The following RTF2 variants were observed in gnomAD, a reference collection of about 807,000 sequenced individuals.
RTF2 encodes UPF0549 protein C20orf43.
Under a neutral mutation model 38.0 loss-of-function variants are expected in RTF2, and 18 were observed. That is an observed-to-expected ratio of 0.47 (90% CI 0.33 to 0.70). The LOEUF is 0.70. Ranked by LOEUF, RTF2 falls within the 30% of genes least tolerant of loss-of-function variation. The probability of loss-of-function intolerance (pLI) is 0.02; values close to 1 mark genes in which losing one functional copy is unlikely to be tolerated. For synonymous variants in RTF2, 126 were observed against 137.1 expected (o/e 0.92, Z 0.57); for missense variants, 311 against 379.6 (o/e 0.82, Z 1.50).
chr20:56,495,236 T>C, intron 5 of RTF2: 1 of 1,551,678 alleles, frequency 6.4e-7, no homozygotes, highest in Non-Finnish European at 8.7e-7. Flanking sequence ...CTTCCTCACT[T>C]TTCCGCTTAA....
intron 6 of RTF2, among the ~76,000 whole-genome samples, chr20:56,515,526 C>T (rs1244547464): frequency 2.0e-5 from 3 of 151,482 alleles, no homozygotes; most frequent in African/African-American, 4.9e-5. Flanking sequence ...GAGCCAAGAT[C>T]GTACCACTGC....
Position 56,484,065 on chromosome 20 carries a change from A to T in RTF2, c.399-46A>T, listed in dbSNP as rs200148487. On this transcript the variant is annotated intron_variant, in intron 4 of 8. Transcript: ENST00000357348. ...GTATCAACCGAATAAATGTGAATTG[A>T]TCATGTGATTAATACAGTCCTTCCC... 2.5e-5 allele frequency: 37 copies of T among 1,505,364 alleles called. No homozygotes were observed. In the East Asian group the frequency reaches 8.1e-4, roughly 33 times the overall value. 93.3% of individuals were successfully genotyped at this position (1,505,364 alleles called of 1,614,324 possible). A position where few individuals can be genotyped will look rare whatever the true frequency, so the allele number is the denominator to read the frequency against.
At chr20:56,477,943 T>C (rs1235226329) in intron 4 of RTF2, among the ~76,000 whole-genome samples, 1 of 152,258 alleles carries the variant, frequency 6.6e-6, no homozygotes, top group Non-Finnish European at 1.5e-5. Flanking sequence ...GGGAATCTTA[T>C]GGTTGAGATG....
At chr20:56,491,507 T>G in intron 5 of RTF2, 1 of 1,158,390 alleles carries the variant, frequency 8.6e-7, no homozygotes, top group Non-Finnish European at 1.3e-6. Context: ...AATGTTCTCT[T>G]GTTTCAAGTC....
chr20:56,513,330 CAGG>C lies in RTF2; in HGVS notation c.498_500del (p.Glu166del), dbSNP rs753733687. ...CCCTCTCCAGTGTGGGGCTGCCTTCCAGGAGGATGATGTCATCATGCTCAATGG... is the reference window on the plus strand; with the variant it reads ...CCCTCTCCAGTGTGGGGCTGCCTTCCAGGATGATGTCATCATGCTCAATGG... On this transcript the variant is annotated inframe_deletion, in exon 6 of 9. Transcript: ENST00000357348. 6.2e-7 allele frequency: 1 copy of C among 1,602,404 alleles called. No homozygotes were observed. Among genetic ancestry groups the C allele is most frequent in the Non-Finnish European group, 8.5e-7 (1 of 1,175,032 alleles).
chr20:56,511,587 A>C (rs928761171), intron 5 of RTF2, among the ~76,000 whole-genome samples: 4 of 152,118 alleles, frequency 2.6e-5, no homozygotes, highest in Non-Finnish European at 5.9e-5. Context: ...ACCCTAGTCC[A>C]GGGCTTCTCA....
Position 56,482,266 on chromosome 20 carries a change from C to G in RTF2, c.399-1845C>G, listed in dbSNP as rs539833255. ...CTCAGGTCTCTGATATAAAATGGTA[C>G]AGTATTTGCATATAACCTACACACA... On this transcript the variant is annotated intron_variant, in intron 4 of 8. Transcript: ENST00000357348. 9.8e-5 allele frequency among the ~76,000 whole-genome samples: 15 copies of G among 152,306 alleles called. No individual in the cohort carries two copies. In the East Asian group the frequency reaches 2.7e-3, roughly 27 times the overall value.
At chr20:56,493,543 C>T (rs1039721881) in intron 5 of RTF2, among the ~76,000 whole-genome samples, 3 of 151,680 alleles carry the variant, frequency 2.0e-5, no homozygotes, top group Non-Finnish European at 2.9e-5. Context: ...GTATTCCCAG[C>T]TACTTGGGAG....
chr20:56,489,850 C>T (rs1266340651), intron 5 of RTF2, among the ~76,000 whole-genome samples: 1 of 152,192 alleles, frequency 6.6e-6, no homozygotes, highest in Non-Finnish European at 1.5e-5. Flanking sequence ...GGGACATAAT[C>T]GTGGCTAATC....
Position 56,518,200 on chromosome 20 carries a change from A to G in RTF2, c.856A>G (p.Ser286Gly), listed in dbSNP as rs1954926879. The G allele has an allele frequency of 6.2e-7, 1 of 1,614,170 alleles. No individual in the cohort carries two copies. The highest frequency in any genetic ancestry group is 8.5e-7 in the Non-Finnish European group (1 of 1,180,034). ...EAYKSLFTTH[S>G]SAKRSKEESA... is the part of the protein sequence containing the mutation. ...CTACAAGTCCCTCTTTACCACTCAC[A>G]GCTCCGCCAAGCGCTCCAAGGAGGA... The change falls in exon 9 of 9, where the codon AGC becomes GGC. Residue 286 changes from serine (S) to glycine (G), a missense_variant. Physicochemically the swap from Ser to Gly is moderately conservative, Grantham distance 56. Transcript: ENST00000357348.
intron 5 of RTF2, among the ~76,000 whole-genome samples, chr20:56,489,375 A>T (rs1982970794): frequency 1.3e-5 from 2 of 151,892 alleles, no homozygotes; most frequent in Non-Finnish European, 2.9e-5. Context: ...TACTGAAATG[A>T]TTTGTTCAGG....
intron 5 of RTF2, among the ~76,000 whole-genome samples, chr20:56,507,241 C>G (rs1984339178): frequency 6.6e-6 from 1 of 152,078 alleles, no homozygotes; most frequent in African/African-American, 2.4e-5. Context: ...AGCCCCACTC[C>G]CCATCTCCGC....
chr20:56,509,429 T>A (rs750009816), intron 5 of RTF2, among the ~76,000 whole-genome samples: 1 of 151,934 alleles, frequency 6.6e-6, no homozygotes, highest in Non-Finnish European at 1.5e-5. Context: ...CTGGCCAACA[T>A]GGTTGAAATG....
intron 5 of RTF2, among the ~76,000 whole-genome samples, chr20:56,498,495 A>G (rs1983707750): frequency 7.1e-6 from 1 of 141,742 alleles, no homozygotes. Context: ...CGTGTCTCCC[A>G]AAAAAAAAAA....
rs1430545892 is a variant in RTF2 at position 56,474,714 on chromosome 20, G to A, written c.201G>A (p.Leu67=). ...AAGATGCCGTCATTGAATTTCTCTT[G>A]GACAAATCTGCAGAAAAGGCTCTTG... ...YNKDAVIEFL[L]DKSAEKALGK... Residue 67 remains leucine (L), a synonymous_variant, in exon 3 of 9, where the codon TTG becomes TTA. Transcript: ENST00000357348. The A allele has an allele frequency of 6.2e-7, 1 of 1,611,332 alleles. No individual in the cohort carries two copies. The highest frequency in any genetic ancestry group is 8.5e-7 in the Non-Finnish European group (1 of 1,179,138).
chr20:56,496,947 A>G lies in RTF2; in HGVS notation c.477+12758A>G, dbSNP rs374501606. ...ATTTTTATCACTCCATTTGCTTCTGATGTAGTGTATGATTTCTCTGTTGGT... is the reference window on the plus strand; with the variant it reads ...ATTTTTATCACTCCATTTGCTTCTGGTGTAGTGTATGATTTCTCTGTTGGT... On this transcript the variant is annotated intron_variant, in intron 5 of 8. Transcript: ENST00000357348. 394 of 1,551,498 alleles carry G rather than the reference A, an allele frequency of 2.5e-4. No individual in the cohort carries two copies. In the African/African-American group the frequency reaches 4.3e-3, roughly 17 times the overall value.
intron 5 of RTF2, among the ~76,000 whole-genome samples, chr20:56,485,647 T>C (rs1412212744): frequency 6.6e-6 from 1 of 152,178 alleles, no homozygotes; most frequent in African/African-American, 2.4e-5. Flanking sequence ...AATAAAGCCT[T>C]CATAGAATGA....
intron 5 of RTF2, chr20:56,497,268 A>T: frequency 6.4e-7 from 1 of 1,551,690 alleles, no homozygotes; most frequent in South Asian, 1.2e-5. Context: ...AATAGTTATA[A>T]TATATGCCAA....
rs187042073 is a variant in RTF2, at chr20:56,505,407, G to A, written c.478-7908G>A. ...GGAGGCTAAGGTGGGAGGATTGCTC[G>A]AGTCCAGGAATTTGAGGTTACAGTG... is the stretch of plus-strand genomic sequence containing the variant. On this transcript the variant is annotated intron_variant, in intron 5 of 8. Transcript: ENST00000357348. Among the ~76,000 whole-genome samples the A allele has an allele frequency of 3.8e-4, 57 of 151,876 alleles. 1 individual carries two copies. Among genetic ancestry groups the A allele is most frequent in the East Asian group, 3.3e-3 (17 of 5,174 alleles).
Sources: allele counts gnomAD v4.1 joint callset (sites outside exome capture counted in the v4.1 genomes callset), GRCh38; gene constraint gnomAD v4.1.1; transcripts MANE v1.5; gene names NCBI Gene and HGNC (gene_info 2026-07-23, HGNC 2026-07-21).